POU5F1B: variants seen among roughly 807,000 people sequenced by gnomAD.
POU5F1B encodes the protein POU class 5 homeobox 1B.
A neutral mutation model predicts 28.1 loss-of-function variants in POU5F1B; 24 were observed. The ratio of observed to expected loss-of-function variants is 0.85; its 90% CI spans 0.62 to 1.20. POU5F1B has a LOEUF of 1.20. POU5F1B is among the 50% of genes most tolerant of loss of function. The pLI, the probability that POU5F1B is intolerant of heterozygous loss-of-function variation, is 0.00. For missense variants in POU5F1B, 451 were observed against 451.5 expected (o/e 1.00, Z 0.01); for synonymous variants, 220 against 193.2 (o/e 1.14, Z -1.15).
chr8:127,416,119 G>C (rs755556323), exon 3 of POU5F1B: 29 of 1,613,482 alleles, frequency 1.8e-5, no homozygotes, highest in Non-Finnish European at 2.4e-5. Context: ...AGTGGGGCTA[G>C]TGCCCCAAGG....
exon 3 of POU5F1B, chr8:127,415,464 G>A: frequency 5.8e-6 from 1 of 173,450 alleles, no homozygotes; most frequent in East Asian, 1.5e-4. Context: ...CAGAAAGAAG[G>A]ACACACCATT....
exon 3 of POU5F1B, chr8:127,416,967 T>C (rs779804055): frequency 1.3e-6 from 2 of 1,593,650 alleles, no homozygotes; most frequent in Non-Finnish European, 1.7e-6. Context: ...CTTCTAGGAA[T>C]GGGGAACAGG....
At chr8:127,415,950 C>T in exon 3 of POU5F1B, 1 of 1,569,504 alleles carries the variant, frequency 6.4e-7, no homozygotes, top group African/African-American at 1.4e-5. Context: ...CGGAGCCGGG[C>T]TGGGTTGATC....
At chr8:127,413,661 G>A (rs79611240) in intron 1 of POU5F1B, among the ~76,000 whole-genome samples, 52 of 152,334 alleles carry the variant, frequency 3.4e-4, no homozygotes, top group Non-Finnish European at 3.5e-4. Flanking sequence ...AAATAAAGCA[G>A]AGCATCACCT....
Position 127,416,726 on chromosome 8 carries a change from C to G in POU5F1B, c.860C>G (p.Ser287Ter), listed in dbSNP as rs1815149563. The G allele has an allele frequency of 1.9e-6, 3 of 1,609,598 alleles. No individual in the cohort carries two copies. The highest frequency in any genetic ancestry group is 2.5e-6 in the Non-Finnish European group (3 of 1,177,726). Residue 287 changes from serine to a stop codon, truncating the protein, a stop_gained, in exon 3 of 3, where the codon TCA becomes TGA. Coordinates refer to ENST00000465342, the Ensembl canonical transcript of POU5F1B. LOFTEE classifies it high-confidence loss of function. ...AACCGGCGCCAGAAGGGCAAGCGAT[C>G]AAGCAGCGACTATGCACAACGAGAG...
chr8:127,417,213 A>AAGAAG (rs1815162464), exon 3 of POU5F1B: 1 of 349,912 alleles, frequency 2.9e-6, no homozygotes, highest in African/African-American at 2.1e-5. Context: ...AAAAAAAAGA[A>AAGAAG]AGAAAAGAAA....
At position 127,415,921 on chromosome 8, in the gene POU5F1B, G is replaced by T. The variant is rs764898370; in HGVS notation, c.55G>T (p.Gly19Cys). 1.9e-5 allele frequency: 30 copies of T among 1,552,164 alleles called. No homozygotes were observed. Among genetic ancestry groups the T allele is most frequent in the Non-Finnish European group, 2.2e-5 (25 of 1,148,512 alleles). The change falls in exon 3 of 3, where the codon GGT (glycine) becomes TGT (cysteine). Residue 19 changes from glycine to cysteine, a missense_variant. Gly to Cys is a radical substitution (Grantham distance 159, BLOSUM62 -3). Transcript: ENST00000465342. ...CTTCTCGCCCCCTCCAGGCGGTGGG[G>T]GTGATGGGCCATGGGGGGCGGAGCC... is the stretch of plus-strand genomic sequence containing the variant.
At chr8:127,416,775 T>C in exon 3 of POU5F1B, 2 of 1,606,826 alleles carry the variant, frequency 1.2e-6, no homozygotes, top group Non-Finnish European at 1.7e-6. Context: ...CTGGGTCTCC[T>C]TTCTCAGGGG....
exon 3 of POU5F1B, chr8:127,416,420 G>C: frequency 1.2e-6 from 2 of 1,607,980 alleles, no homozygotes; most frequent in East Asian, 4.5e-5. Context: ...AAGACCATCT[G>C]CCGCTTTGAG....
At chr8:127,415,872 G>A (rs1230726910) in exon 3 of POU5F1B, 8 of 1,524,492 alleles carry the variant, frequency 5.2e-6, no homozygotes, top group Admixed American at 2.2e-5. Flanking sequence ...TCCCCATGGC[G>A]GGACACCTGG....
At chr8:127,417,002 A>C in exon 3 of POU5F1B, 1 of 1,565,638 alleles carries the variant, frequency 6.4e-7, no homozygotes, top group Non-Finnish European at 8.7e-7. Context: ...AGGGAAAGAG[A>C]ACCTGGAGTT....
At chr8:127,416,167 G>A in exon 3 of POU5F1B, 1 of 1,613,866 alleles carries the variant, frequency 6.2e-7, no homozygotes, top group Non-Finnish European at 8.5e-7. Flanking sequence ...CGAAGCAGGA[G>A]TCGGGGTGGA....
chr8:127,416,968 G>A lies in POU5F1B; in HGVS notation c.*22G>A. 4 of 1,591,562 alleles carry A rather than the reference G, an allele frequency of 2.5e-6. No individual in the cohort carries two copies. In the South Asian group the frequency reaches 4.6e-5, roughly 18 times the overall value. Reference sequence around the variant, plus strand: ...CTGAGGTGCCTGCCCTTCTAGGAATGGGGAACAGGGGAGGGGAGGAGCTAG... The same window carrying A: ...CTGAGGTGCCTGCCCTTCTAGGAATAGGGAACAGGGGAGGGGAGGAGCTAG... On this transcript the variant is annotated 3_prime_UTR_variant, in exon 3 of 3. Transcript: ENST00000465342.
chr8:127,417,207 A>AAAG (rs1554608612), exon 3 of POU5F1B: 9,656 of 231,284 alleles, frequency 0.042, 16 homozygotes, highest in East Asian at 0.12. Context: ...AAAAAAAAAA[A>AAAG]AAAGAAAGAA....
At chr8:127,416,809 C>T (rs751703386) in exon 3 of POU5F1B, 1 of 1,605,810 alleles carries the variant, frequency 6.2e-7, no homozygotes, top group Admixed American at 1.7e-5. Context: ...TCCTCCGGCC[C>T]CAGGGCCCCA....
intron 1 of POU5F1B, among the ~76,000 whole-genome samples, chr8:127,413,788 TC>T (rs967441037): frequency 2.6e-5 from 4 of 152,174 alleles, no homozygotes; most frequent in Non-Finnish European, 5.9e-5. Flanking sequence ...GGACTTGACT[TC>T]ATTTTGTGAG....
chr8:127,416,032 G>C, exon 3 of POU5F1B: 1 of 1,605,082 alleles, frequency 6.2e-7, no homozygotes, highest in East Asian at 2.2e-5. Flanking sequence ...GCCAGGCTCT[G>C]AGGTGTGGGG....
At chr8:127,416,974 C>G (rs187298898) in exon 3 of POU5F1B, 2 of 1,589,760 alleles carry the variant, frequency 1.3e-6, no homozygotes, top group Non-Finnish European at 8.6e-7. Context: ...GAATGGGGAA[C>G]AGGGGAGGGG....
At chr8:127,416,657 A>C (rs767622124) in exon 3 of POU5F1B, 1 of 1,603,544 alleles carries the variant, frequency 6.2e-7, no homozygotes, top group Non-Finnish European at 8.5e-7. Flanking sequence ...CACATCGCCC[A>C]GCAGCTTGGG....
Sources: gnomAD v4.1 joint callset for allele counts (sites outside exome capture counted in the v4.1 genomes callset) on GRCh38, gnomAD v4.1.1 for gene constraint, MANE v1.5 for transcripts, NCBI Gene and HGNC (gene_info 2026-07-23, HGNC 2026-07-21) for gene names.